LRRC37A2: variants seen among roughly 807,000 people sequenced by gnomAD.
The protein encoded by LRRC37A2 is leucine rich repeat containing 37 member A2.
In LRRC37A2, 9 loss-of-function variants were observed where a neutral mutation model predicts 68.8. The ratio of observed to expected loss-of-function variants is 0.13; its 90% CI spans 0.08 to 0.23. LRRC37A2 has a LOEUF of 0.23. Among genes scored for constraint, LRRC37A2 ranks in the 10% least tolerant of loss-of-function variants. The pLI is 1.00. For missense variants in LRRC37A2, 168 were observed against 950.4 expected, an observed-to-expected ratio of 0.18 and a Z score of 10.82; for synonymous variants, 63 against 367.6, an observed-to-expected ratio of 0.17 and a Z score of 9.48.
chr17:46,497,553 CAT>C, the LRRC37A2 span, among the ~76,000 whole-genome samples: 1 of 148,846 alleles, frequency 6.7e-6, no homozygotes, highest in Non-Finnish European at 1.5e-5. Flanking sequence ...GTATTGCAAA[CAT>C]ATAGGTTTCT....
At chr17:46,755,395 C>T in the LRRC37A2 span, 1 of 1,589,994 alleles carries the variant, frequency 6.3e-7, no homozygotes, top group East Asian at 2.2e-5. Flanking sequence ...ATTTAATGAC[C>T]ATCAACCAAA....
chr17:46,827,315 A>C, the LRRC37A2 span, among the ~76,000 whole-genome samples: 1 of 152,256 alleles, frequency 6.6e-6, no homozygotes, highest in East Asian at 1.9e-4. Context: ...GGTCAGCTGA[A>C]GGGTGCAAGA....
the LRRC37A2 span, chr17:47,027,560 T>A: frequency 6.8e-6 from 9 of 1,333,216 alleles, no homozygotes; most frequent in Non-Finnish European, 9.7e-6. Flanking sequence ...TTCCTAGAGA[T>A]TTATCCTGCA....
At chr17:46,848,394 C>A in the LRRC37A2 span, among the ~76,000 whole-genome samples, 2 of 152,218 alleles carry the variant, frequency 1.3e-5, no homozygotes, top group Admixed American at 6.5e-5. Context: ...TGTGCTGGGA[C>A]CTGTGCCAGA....
the LRRC37A2 span, among the ~76,000 whole-genome samples, chr17:46,703,638 G>A: frequency 1.6e-5 from 2 of 125,908 alleles, no homozygotes; most frequent in South Asian, 2.5e-4. Context: ...CCGAGATCGC[G>A]CCACTGCACT....
the LRRC37A2 span, among the ~76,000 whole-genome samples, chr17:46,858,864 G>A: frequency 6.6e-6 from 1 of 151,770 alleles, no homozygotes. Context: ...ATGGGGTTTT[G>A]CTATGTTGCT....
the LRRC37A2 span, among the ~76,000 whole-genome samples, chr17:46,727,664 A>G: frequency 6.6e-6 from 1 of 152,160 alleles, no homozygotes; most frequent in South Asian, 2.1e-4. Flanking sequence ...TAGGTTTGAT[A>G]CATCTCAGCC....
At chr17:46,876,408 C>A in the LRRC37A2 span, 1 of 1,613,850 alleles carries the variant, frequency 6.2e-7, no homozygotes, top group Non-Finnish European at 8.5e-7. Context: ...ACCAATGAGG[C>A]CTTGGGCCGC....
the LRRC37A2 span, among the ~76,000 whole-genome samples, chr17:46,860,016 T>C: frequency 6.6e-6 from 1 of 152,106 alleles, no homozygotes; most frequent in Non-Finnish European, 1.5e-5. Flanking sequence ...AAAACATAGT[T>C]GGAGGGAAGG....
the LRRC37A2 span, among the ~76,000 whole-genome samples, chr17:46,888,877 C>T: frequency 6.6e-6 from 1 of 152,130 alleles, no homozygotes; most frequent in Non-Finnish European, 1.5e-5. Context: ...ACCACCCTAC[C>T]AGGAGCAAGC....
At chr17:46,927,620 A>G in the LRRC37A2 span, among the ~76,000 whole-genome samples, 1 of 152,170 alleles carries the variant, frequency 6.6e-6, no homozygotes, top group Non-Finnish European at 1.5e-5. Context: ...AGCTGTTGGC[A>G]TTTATTGTAG....
At chr17:46,783,672 G>A in the LRRC37A2 span, among the ~76,000 whole-genome samples, 40 of 152,328 alleles carry the variant, frequency 2.6e-4, 1 homozygote, top group Middle Eastern at 0.01. Context: ...ACGGGGGCAA[G>A]TGTGTCCTCA....
the LRRC37A2 span, among the ~76,000 whole-genome samples, chr17:46,881,571 A>G: frequency 0.31 from 46,353 of 151,832 alleles, 7,186 homozygotes; most frequent in Admixed American, 0.35. Flanking sequence ...TCTACCATAC[A>G]CCATCCTCAC....
At chr17:46,752,569 T>C in the LRRC37A2 span, among the ~76,000 whole-genome samples, 1 of 152,094 alleles carries the variant, frequency 6.6e-6, no homozygotes, top group African/African-American at 2.4e-5. Context: ...GTTCCTCCCG[T>C]CTCAGCCTCC....
At chr17:46,759,713 G>A in the LRRC37A2 span, among the ~76,000 whole-genome samples, 5 of 152,094 alleles carry the variant, frequency 3.3e-5, no homozygotes, top group Non-Finnish European at 7.4e-5. Flanking sequence ...TCGCCATCAT[G>A]TTTCCTTGCT....
At chr17:46,943,153 C>T in the LRRC37A2 span, among the ~76,000 whole-genome samples, 1 of 152,166 alleles carries the variant, frequency 6.6e-6, no homozygotes, top group Non-Finnish European at 1.5e-5. Context: ...CTAGCCCGTC[C>T]CCCATGCACT....
the LRRC37A2 span, among the ~76,000 whole-genome samples, chr17:46,822,302 G>A: frequency 6.6e-6 from 1 of 152,194 alleles, no homozygotes. Flanking sequence ...CCCTAGCGTG[G>A]GTGGTGGGCG....
the LRRC37A2 span, among the ~76,000 whole-genome samples, chr17:46,739,098 G>A: frequency 1.1e-4 from 16 of 150,694 alleles, no homozygotes; most frequent in Non-Finnish European, 2.2e-4. Context: ...GTCCAGGCAC[G>A]GTGGCTCACA....
chr17:46,978,533 G>T, the LRRC37A2 span: 3 of 1,367,692 alleles, frequency 2.2e-6, no homozygotes, highest in Non-Finnish European at 1.9e-6. Flanking sequence ...GGCGCCCCAG[G>T]CACGTAGCTG....
Sources: allele counts gnomAD v4.1 joint callset (sites outside exome capture counted in the v4.1 genomes callset), GRCh38; gene constraint gnomAD v4.1.1; transcripts MANE v1.5; gene names NCBI Gene and HGNC (gene_info 2026-07-23, HGNC 2026-07-21).